The following FRMPD2 variants were observed in gnomAD, a reference collection of about 807,000 sequenced individuals.
FRMPD2 encodes the protein FERM and PDZ domain-containing protein 2.
A neutral mutation model predicts 140.1 loss-of-function variants in FRMPD2; 96 were observed. The observed-to-expected ratio is 0.69, with a 90% confidence interval of 0.58 to 0.81. FRMPD2 has a LOEUF of 0.81. Among genes scored for constraint, FRMPD2 ranks in the 40% least tolerant of loss-of-function variants. FRMPD2 has a pLI of 0.00. For missense variants in FRMPD2, 1,240 were observed against 1,447.4 expected (o/e 0.86, Z 2.32); for synonymous variants, 449 against 547.6 (o/e 0.82, Z 2.52).
chr10:48,188,898 G>A (rs930895746), intron 16 of FRMPD2, among the ~76,000 whole-genome samples: 1 of 152,186 alleles, frequency 6.6e-6, no homozygotes, highest in Non-Finnish European at 1.5e-5. Context: ...CACATTCATA[G>A]ACCAGGAGGA....
chr10:48,243,757 G>T (rs1182627840), intron 4 of FRMPD2, among the ~76,000 whole-genome samples: 4 of 152,098 alleles, frequency 2.6e-5, no homozygotes, highest in African/African-American at 9.7e-5. Flanking sequence ...CCCAGGAAGA[G>T]CCCGGATGTT....
At chr10:48,238,147 G>A in intron 7 of FRMPD2, 24 bp from the exon 8 acceptor site, 1 of 1,601,598 alleles carries the variant, frequency 6.2e-7, no homozygotes. Context: ...GAGAAGGGGT[G>A]AAGCACTTAG....
chr10:48,206,672 C>T, intron 14 of FRMPD2, 76 bp downstream of exon 14: 2 of 1,203,476 alleles, frequency 1.7e-6, no homozygotes, highest in Non-Finnish European at 2.4e-6. Flanking sequence ...TGACCCATGA[C>T]CCACTGCTCC....
chr10:48,265,758 T>C (rs59368050), intron 1 of FRMPD2, among the ~76,000 whole-genome samples: 9,197 of 152,136 alleles, frequency 0.06, 916 homozygotes, highest in African/African-American at 0.21. Context: ...TATTAATACA[T>C]TGTTGGTGGG....
chr10:48,193,797 C>T (rs1249429194), intron 15 of FRMPD2, among the ~76,000 whole-genome samples: 1 of 152,102 alleles, frequency 6.6e-6, no homozygotes, highest in African/African-American at 2.4e-5. Flanking sequence ...TGGTGAAGTG[C>T]CTCCATTTCA....
chr10:48,182,438 G>A (rs1838574914), intron 20 of FRMPD2, among the ~76,000 whole-genome samples: 1 of 152,214 alleles, frequency 6.6e-6, no homozygotes, highest in African/African-American at 2.4e-5. Context: ...CATGACAGAT[G>A]CTCATGATGG....
chr10:48,246,704 G>A (rs923326984), intron 3 of FRMPD2, among the ~76,000 whole-genome samples: 3 of 152,234 alleles, frequency 2.0e-5, no homozygotes, highest in Non-Finnish European at 2.9e-5. Context: ...GCACCAGAAC[G>A]AGGCCCAGGA....
chr10:48,244,951 G>T (rs111742463), intron 3 of FRMPD2, 102 bp from the exon 4 acceptor site: 3 of 875,818 alleles, frequency 3.4e-6, no homozygotes, highest in Non-Finnish European at 1.9e-6. Flanking sequence ...AGACACTGTT[G>T]TCTGGCGAGT....
chr10:48,222,839 A>T (rs1373562144), intron 11 of FRMPD2, among the ~76,000 whole-genome samples: 1 of 152,084 alleles, frequency 6.6e-6, no homozygotes, highest in African/African-American at 2.4e-5. Flanking sequence ...GTTGGGGGTG[A>T]GGGGGCATTT....
chr10:48,271,325 G>A (rs1335233246), intron 1 of FRMPD2, among the ~76,000 whole-genome samples: 1 of 152,186 alleles, frequency 6.6e-6, no homozygotes, highest in Non-Finnish European at 1.5e-5. Flanking sequence ...ACTCTGGACT[G>A]GCATCATACA....
At position 48,233,079 on chromosome 10, in the gene FRMPD2, C is replaced by T. The variant is rs1442648845; in HGVS notation, c.994-790G>A. Among the ~76,000 whole-genome samples the T allele has an allele frequency of 2.0e-5, 3 of 152,316 alleles. No individual in the cohort carries two copies. In the East Asian group the frequency reaches 5.8e-4, roughly 29 times the overall value. ...GTCTGTGGCTCTTCCTGAGTATCCCCATGTCCCAAAGCCCAGCCTGGACCT... is the reference window on the plus strand; with the variant it reads ...GTCTGTGGCTCTTCCTGAGTATCCCTATGTCCCAAAGCCCAGCCTGGACCT... On this transcript the variant is annotated intron_variant, in intron 9 of 28. Coordinates refer to ENST00000374201, the MANE Select transcript of FRMPD2 (RefSeq NM_001018071.4).
At chr10:48,274,818 C>T, upstream of FRMPD2, 1 of 501,466 alleles carries the variant, frequency 2.0e-6, no homozygotes, top group East Asian at 3.3e-5. Context: ...ACTGCCACCC[C>T]AGCAGCCTGC....
At chr10:48,211,292 G>A (rs184286732) in intron 13 of FRMPD2, among the ~76,000 whole-genome samples, 238 of 152,340 alleles carry the variant, frequency 1.6e-3, no homozygotes, top group African/African-American at 5.3e-3. Flanking sequence ...GTGAAGAGAC[G>A]GTGGGCCCAA....
At chr10:48,255,706 A>T (rs1287737838) in intron 1 of FRMPD2, among the ~76,000 whole-genome samples, 2 of 152,196 alleles carry the variant, frequency 1.3e-5, no homozygotes, top group African/African-American at 4.8e-5. Flanking sequence ...TGTGGGGGAC[A>T]TCTTAGCTGA....
Position 48,207,024 on chromosome 10 carries a change from T to C in FRMPD2, c.1612-91A>G. The C allele has an allele frequency of 4.5e-6, 5 of 1,099,694 alleles. No homozygotes were observed. In the South Asian group the frequency reaches 5.6e-5, roughly 12 times the overall value. 68.1% of individuals were successfully genotyped at this position (1,099,694 alleles called of 1,614,324 possible). A position where few individuals can be genotyped will look rare whatever the true frequency, so the allele number is the denominator to read the frequency against. On this transcript the variant is annotated intron_variant, in intron 13 of 28. Transcript: ENST00000374201. ...ATTCACTCCATGCAAAACACACTGA[T>C]AGGCGTTCTGAAAAGAAAGAGTAGA...
chr10:48,183,028 G>A (rs1821389012), intron 20 of FRMPD2, among the ~76,000 whole-genome samples: 1 of 152,210 alleles, frequency 6.6e-6, no homozygotes, highest in South Asian at 2.1e-4. Flanking sequence ...AGGGTGTGGG[G>A]CTGAGACCCC....
At chr10:48,239,975 A>C (rs191883306) in intron 6 of FRMPD2, among the ~76,000 whole-genome samples, 7 of 152,350 alleles carry the variant, frequency 4.6e-5, no homozygotes, top group Non-Finnish European at 7.3e-5. Flanking sequence ...GCTCAGATTT[A>C]GTTGAAAAGT....
At chr10:48,262,661 C>G (rs1211967516) in intron 1 of FRMPD2, among the ~76,000 whole-genome samples, 3 of 152,140 alleles carry the variant, frequency 2.0e-5, no homozygotes, top group African/African-American at 7.2e-5. Context: ...TGGCTGTAGG[C>G]TATTTTATCC....
chr10:48,265,275 CT>C (rs1840659706), intron 1 of FRMPD2, among the ~76,000 whole-genome samples: 1 of 152,056 alleles, frequency 6.6e-6, no homozygotes, highest in African/African-American at 2.4e-5. Flanking sequence ...AAGACAAAAC[CT>C]AGGCAATACC....
Sources: allele counts gnomAD v4.1 joint callset (sites outside exome capture counted in the v4.1 genomes callset), GRCh38; gene constraint gnomAD v4.1.1; transcripts MANE v1.5; gene names NCBI Gene and HGNC (gene_info 2026-07-23, HGNC 2026-07-21).